CD244: variants seen among roughly 807,000 people sequenced by gnomAD.
CD244 encodes the protein CD244 molecule.
In CD244, 20 loss-of-function variants were observed where a neutral mutation model predicts 45.5. That is an observed-to-expected ratio of 0.44 (90% CI 0.31 to 0.64). The LOEUF (loss-of-function observed/expected upper bound fraction) is 0.64, where lower values mean the gene tolerates loss of function less well. Ranked by LOEUF, CD244 falls within the 30% of genes least tolerant of loss-of-function variation. The pLI, the probability that CD244 is intolerant of heterozygous loss-of-function variation, is 0.08. For synonymous variants in CD244, 185 were observed against 160.5 expected (o/e 1.15, Z -1.15); for missense variants, 407 against 426.9 (o/e 0.95, Z 0.41).
chr1:160,839,218 ACCT>A, intron 3 of CD244, 169 bp from the exon 4 acceptor site: 1 of 571,004 alleles, frequency 1.8e-6, no homozygotes, highest in South Asian at 2.1e-5. Flanking sequence ...CATTTGGTTA[ACCT>A]CCTCTGAGTG....
In CD244 at chr1:160,830,595, A is replaced by G. The variant is rs1669077134; in HGVS notation, c.*752T>C. 6.6e-6 allele frequency: 1 copy of G among 152,304 alleles called. No homozygotes were observed. Among genetic ancestry groups the G allele is most frequent in the Non-Finnish European group, 1.5e-5 (1 of 68,034 alleles). 9.4% of individuals were successfully genotyped at this position (152,304 alleles called of 1,614,324 possible). Reference sequence around the variant, plus strand: ...GAAGAAGCCAAATGGATTTCTAACAATGCGTCTTCATAAATCAAACATCAT... The same window carrying G: ...GAAGAAGCCAAATGGATTTCTAACAGTGCGTCTTCATAAATCAAACATCAT... On this transcript the variant is annotated 3_prime_UTR_variant, in exon 9 of 9. Transcript: ENST00000368034.
chr1:160,851,913 T>C (rs1482873517), intron 1 of CD244, among the ~76,000 whole-genome samples: 2 of 152,170 alleles, frequency 1.3e-5, no homozygotes, highest in African/African-American at 4.8e-5. Flanking sequence ...TATTGATAAA[T>C]TGGACTTCAC....
At chr1:160,836,322 G>T in intron 5 of CD244, 68 bp from the exon 6 acceptor site, 3 of 1,242,012 alleles carry the variant, frequency 2.4e-6, no homozygotes, top group South Asian at 2.5e-5. Context: ...GATTGAGTGG[G>T]GAAAAACAGC....
intron 7 of CD244, among the ~76,000 whole-genome samples, chr1:160,832,943 G>A (rs1198708535): frequency 6.7e-6 from 1 of 148,468 alleles, no homozygotes; most frequent in Non-Finnish European, 1.5e-5. Flanking sequence ...CACATTCCCA[G>A]AGCACACACA....
At chr1:160,840,709 T>C (rs1413427653) in intron 3 of CD244, among the ~76,000 whole-genome samples, 4 of 152,134 alleles carry the variant, frequency 2.6e-5, no homozygotes, top group Admixed American at 6.5e-5. Flanking sequence ...TAATAAAAAG[T>C]TGTGGAACGG....
At chr1:160,832,863 T>TGC in intron 7 of CD244, 1 of 332,320 alleles carries the variant, frequency 3.0e-6, no homozygotes, top group Non-Finnish European at 5.7e-6. Context: ...CATATGTGTG[T>TGC]GTGTGTGTAT....
chr1:160,859,009 A>T (rs1451264476), intron 1 of CD244, among the ~76,000 whole-genome samples: 5 of 152,208 alleles, frequency 3.3e-5, no homozygotes, highest in Non-Finnish European at 7.3e-5. Flanking sequence ...ACAGAAAATG[A>T]AAAACATAAG....
chr1:160,848,810 C>A (rs1317147113), intron 1 of CD244, among the ~76,000 whole-genome samples: 1 of 151,274 alleles, frequency 6.6e-6, no homozygotes, highest in Non-Finnish European at 1.5e-5. Flanking sequence ...CGTGTCCCTT[C>A]CCCCATACCT....
At chr1:160,845,395 TAGCAAA>T (rs1007661848) in intron 1 of CD244, among the ~76,000 whole-genome samples, 1 of 151,966 alleles carries the variant, frequency 6.6e-6, no homozygotes, top group Admixed American at 6.6e-5. Context: ...ATTTGAGATA[TAGCAAA>T]AACAAAACAA....
chr1:160,836,135 G>A (rs1669321714), intron 6 of CD244, 60 bp downstream of exon 6: 2 of 1,248,458 alleles, frequency 1.6e-6, no homozygotes, highest in South Asian at 2.4e-5. Flanking sequence ...TGAGTTTCAG[G>A]GGGGCATTAG....
intron 5 of CD244, among the ~76,000 whole-genome samples, chr1:160,837,416 T>C (rs1371259014): frequency 3.3e-5 from 5 of 152,222 alleles, no homozygotes; most frequent in African/African-American, 1.2e-4. Context: ...AGTCCCCTTT[T>C]ATTATTCACA....
chr1:160,860,406 C>A (rs1374033960), intron 1 of CD244, among the ~76,000 whole-genome samples: 1 of 151,274 alleles, frequency 6.6e-6, no homozygotes, highest in Non-Finnish European at 1.5e-5. Context: ...AACATAACAA[C>A]TGAATGTAAT....
At position 160,841,699 on chromosome 1, in the gene CD244, C is replaced by A. The variant is rs560992418; in HGVS notation, c.264G>T (p.Lys88Asn). Residue 88 changes from lysine to asparagine, a missense_variant, in exon 2 of 9, where the codon AAG becomes AAT. Lys to Asn is a moderately conservative substitution (Grantham distance 94, BLOSUM62 0). Transcript: ENST00000368034. ...TSNDRFSFIV[K>N]NLSLLIKAAQ... ...CTGCCTTGATGAGAAGACTCAAGTT[C>A]TTGACTATAAAACTGAATCTATCAT... is the stretch of plus-strand genomic sequence containing the variant. 174 of 1,614,150 alleles carry A rather than the reference C, an allele frequency of 1.1e-4. 5 individuals carry two copies. In the South Asian group the frequency reaches 1.7e-3, roughly 16 times the overall value.
At chr1:160,849,629 A>C (rs2101884930) in intron 1 of CD244, among the ~76,000 whole-genome samples, 1 of 152,370 alleles carries the variant, frequency 6.6e-6, no homozygotes, top group African/African-American at 2.4e-5. Flanking sequence ...ACTCAGGAAC[A>C]GAAAAAGGAT....
intron 1 of CD244, among the ~76,000 whole-genome samples, chr1:160,845,853 T>C (rs1669713076): frequency 6.9e-6 from 1 of 144,174 alleles, no homozygotes; most frequent in Non-Finnish European, 1.5e-5. Context: ...TGAAACTCTG[T>C]CTCAAAAAAA....
chr1:160,859,069 G>A (rs1455924840), intron 1 of CD244, among the ~76,000 whole-genome samples: 1 of 152,180 alleles, frequency 6.6e-6, no homozygotes, highest in Admixed American at 6.5e-5. Context: ...GAAAAATTAA[G>A]TGGAGAGAGA....
rs573235540 is a variant in CD244, at chr1:160,833,915, ATT to A, written c.960+134_960+135del. 307 of 634,832 alleles carry A rather than the reference ATT, an allele frequency of 4.8e-4. No homozygotes were observed. The African/African-American group carries it at 5.4e-3, about 11-fold the overall frequency. 39.3% of individuals were successfully genotyped at this position (634,832 alleles called of 1,614,324 possible). A position where few individuals can be genotyped will look rare whatever the true frequency, so the allele number is the denominator to read the frequency against. ...GGCCCATTGACATTTAAATACAGTC[ATT>A]TAACAGAAGCTACTCAGATACACAC... On this transcript the variant is annotated intron_variant, in intron 7 of 8. Coordinates refer to ENST00000368034, the MANE Select transcript of CD244 (RefSeq NM_016382.4).
intron 6 of CD244, among the ~76,000 whole-genome samples, chr1:160,835,284 G>A (rs1669294111): frequency 6.6e-6 from 1 of 152,118 alleles, no homozygotes; most frequent in Non-Finnish European, 1.5e-5. Context: ...TGGAGTATGA[G>A]GAGGTGCAAT....
At position 160,862,633 on chromosome 1, in the gene CD244, C is replaced by A; in HGVS notation, c.45G>T (p.Lys15Asn). ...CCTCCTTACCTTTGCCCTGATACACCTTGAGGAGCAGGAGGAGTATGAGGG... is the reference window on the plus strand; with the variant it reads ...CCTCCTTACCTTTGCCCTGATACACATTGAGGAGCAGGAGGAGTATGAGGG... ...VVTLILLLLLKVYQGKGCQGS... is the reference protein window; with the variant it reads ...VVTLILLLLLNVYQGKGCQGS... Residue 15 changes from lysine to asparagine, a missense_variant, in exon 1 of 9, where the codon AAG (lysine) becomes AAT (asparagine). By Grantham distance (94) the Lys-to-Asn change is moderately conservative. Transcript: ENST00000368034. 1.9e-6 allele frequency: 3 copies of A among 1,614,096 alleles called. No homozygotes were observed. Among genetic ancestry groups the A allele is most frequent in the Non-Finnish European group, 1.7e-6 (2 of 1,179,962 alleles).
Sources: allele counts gnomAD v4.1 joint callset (sites outside exome capture counted in the v4.1 genomes callset), GRCh38; gene constraint gnomAD v4.1.1; transcripts MANE v1.5; gene names NCBI Gene and HGNC (gene_info 2026-07-23, HGNC 2026-07-21).